The following SLC8A1 variants were observed in gnomAD, a reference collection of about 807,000 sequenced individuals.
SLC8A1 encodes sodium/calcium exchanger 1.
A neutral mutation model predicts 68.3 loss-of-function variants in SLC8A1; 18 were observed. That is an observed-to-expected ratio of 0.26 (90% confidence interval 0.18 to 0.39). The LOEUF (loss-of-function observed/expected upper bound fraction) is 0.39, where lower values mean the gene tolerates loss of function less well. SLC8A1 is among the 10% of genes least tolerant of loss of function. The pLI is 1.00. For synonymous variants in SLC8A1, 475 were observed against 415.5 expected, an observed-to-expected ratio of 1.14 and a Z score of -1.74; for missense variants, 985 against 1,156.7, an observed-to-expected ratio of 0.85 and a Z score of 2.15.
intron 5 of SLC8A1, among the ~76,000 whole-genome samples, chr2:40,163,106 T>C (rs1282668075): frequency 6.6e-6 from 1 of 152,176 alleles, no homozygotes; most frequent in Non-Finnish European, 1.5e-5. Flanking sequence ...CTATGGAAGC[T>C]ATCCTACAAA....
chr2:40,103,022 G>A (rs971069437), exon 8 of SLC8A1: 3 of 151,914 alleles, frequency 2.0e-5, no homozygotes, highest in Admixed American at 6.6e-5. Flanking sequence ...TCATTTTATC[G>A]GTTGCAATGT....
chr2:40,432,908 TA>T (rs908115672), intron 1 of SLC8A1, among the ~76,000 whole-genome samples: 1 of 152,098 alleles, frequency 6.6e-6, no homozygotes, highest in African/African-American at 2.4e-5. Flanking sequence ...TTGGCAGGTA[TA>T]CAAAATGGTA....
Position 40,490,194 on chromosome 2 carries a change from G to A in SLC8A1, c.-25+22155C>T, listed in dbSNP as rs142048895. On this transcript the variant is annotated intron_variant, in intron 1 of 7. Coordinates refer to the SLC8A1 transcript ENST00000402441. ...TCAATCATTTGGAATATACAATCACGTATTTATAAGGGCAGATACAATGTA... is the reference window on the plus strand; with the variant it reads ...TCAATCATTTGGAATATACAATCACATATTTATAAGGGCAGATACAATGTA... Among the ~76,000 whole-genome samples, 90 of 152,160 alleles carry A rather than the reference G, an allele frequency of 5.9e-4. 2 individuals are homozygous for A. In the East Asian group the frequency reaches 0.015, roughly 26 times the overall value.
At chr2:40,483,273 T>TA (rs1270279799) in intron 1 of SLC8A1, among the ~76,000 whole-genome samples, 3 of 150,578 alleles carry the variant, frequency 2.0e-5, no homozygotes, top group South Asian at 4.2e-4. Context: ...ATATATATGT[T>TA]AAAAAATATA....
At chr2:40,385,231 T>C (rs185686972) in intron 2 of SLC8A1, among the ~76,000 whole-genome samples, 2 of 152,154 alleles carry the variant, frequency 1.3e-5, no homozygotes, top group East Asian at 1.9e-4. Flanking sequence ...GGAATAATCC[T>C]AGTCTCGAGG....
At chr2:40,170,663 G>A (rs1275061989) in intron 4 of SLC8A1, among the ~76,000 whole-genome samples, 3 of 152,188 alleles carry the variant, frequency 2.0e-5, no homozygotes, top group Non-Finnish European at 4.4e-5. Flanking sequence ...GATGTGTCAA[G>A]GTCCTTCAAG....
At chr2:40,333,195 T>A (rs1168892427) in intron 2 of SLC8A1, among the ~76,000 whole-genome samples, 5 of 152,148 alleles carry the variant, frequency 3.3e-5, no homozygotes, top group African/African-American at 7.2e-5. Context: ...TCCCAGCACT[T>A]TGGGAGGCCA....
At chr2:40,308,745 G>T (rs1016844226) in intron 2 of SLC8A1, among the ~76,000 whole-genome samples, 1 of 152,124 alleles carries the variant, frequency 6.6e-6, no homozygotes, top group Non-Finnish European at 1.5e-5. Flanking sequence ...AGGGAGTCAG[G>T]TAGACGCCAT....
intron 2 of SLC8A1, among the ~76,000 whole-genome samples, chr2:40,317,735 G>C (rs2074658404): frequency 6.6e-6 from 1 of 152,022 alleles, no homozygotes; most frequent in South Asian, 2.1e-4. Context: ...ATTACCTTAA[G>C]TTGCCCTTAC....
intron 2 of SLC8A1, among the ~76,000 whole-genome samples, chr2:40,355,156 G>T (rs1672287370): frequency 6.6e-6 from 1 of 152,082 alleles, no homozygotes; most frequent in Admixed American, 6.6e-5. Context: ...CTATAATTTG[G>T]CTGCAGAAAC....
intron 2 of SLC8A1, among the ~76,000 whole-genome samples, chr2:40,373,786 A>C (rs1283654679): frequency 6.6e-6 from 1 of 152,064 alleles, no homozygotes; most frequent in African/African-American, 2.4e-5. Flanking sequence ...GCATGAGAGT[A>C]CTGAATTTCA....
chr2:40,231,217 T>A (rs536541238), intron 2 of SLC8A1, among the ~76,000 whole-genome samples: 1 of 152,166 alleles, frequency 6.6e-6, no homozygotes, highest in Non-Finnish European at 1.5e-5. Flanking sequence ...AAAAGTGCCA[T>A]GACATGTACA....
At chr2:40,303,817 A>T (rs1403002426) in intron 2 of SLC8A1, among the ~76,000 whole-genome samples, 1 of 152,202 alleles carries the variant, frequency 6.6e-6, no homozygotes, top group Non-Finnish European at 1.5e-5. Context: ...TAAGCCTGAG[A>T]CATACACAAT....
intron 1 of SLC8A1, among the ~76,000 whole-genome samples, chr2:40,444,036 G>A (rs1700988641): frequency 6.6e-6 from 1 of 152,070 alleles, no homozygotes; most frequent in Admixed American, 6.5e-5. Context: ...TTGCTAGGAA[G>A]GCCCTTAAAC....
At chr2:40,217,163 G>C (rs1282770779) in intron 2 of SLC8A1, among the ~76,000 whole-genome samples, 3 of 152,110 alleles carry the variant, frequency 2.0e-5, no homozygotes, top group Non-Finnish European at 4.4e-5. Context: ...GTTGATTTTT[G>C]TATAAGGTGT....
chr2:40,133,969 C>G (rs927856860), intron 7 of SLC8A1, among the ~76,000 whole-genome samples: 2 of 152,142 alleles, frequency 1.3e-5, no homozygotes, highest in African/African-American at 2.4e-5. Context: ...AATTTTTTCC[C>G]TTTATTTTGA....
At chr2:40,263,461 G>A (rs550002999) in intron 2 of SLC8A1, among the ~76,000 whole-genome samples, 80 of 152,174 alleles carry the variant, frequency 5.3e-4, no homozygotes, top group Middle Eastern at 3.4e-3. Context: ...TATGCTACAA[G>A]GCTACAGCAA....
intron 2 of SLC8A1, among the ~76,000 whole-genome samples, chr2:40,366,957 A>G (rs1026174547): frequency 5.3e-5 from 8 of 152,082 alleles, no homozygotes; most frequent in Non-Finnish European, 7.4e-5. Flanking sequence ...GGTTCGGTAT[A>G]TTAAAAGCAA....
At chr2:40,234,288 G>A (rs1050042730) in intron 2 of SLC8A1, among the ~76,000 whole-genome samples, 5 of 151,486 alleles carry the variant, frequency 3.3e-5, no homozygotes, top group African/African-American at 1.2e-4. Context: ...GCAGTGGTTT[G>A]TAGTTCTCCT....
Sources: allele counts gnomAD v4.1 joint callset (sites outside exome capture counted in the v4.1 genomes callset), GRCh38; gene constraint gnomAD v4.1.1; transcripts MANE v1.5; gene names NCBI Gene and HGNC (gene_info 2026-07-23, HGNC 2026-07-21).